Variants in MMUT observed in about 807,000 individuals in gnomAD.
The protein encoded by MMUT is methylmalonyl-CoA mutase, mitochondrial.
In MMUT, 79 loss-of-function variants were observed where a neutral mutation model predicts 79.9. The ratio of observed to expected loss-of-function variants is 0.99; its 90% CI spans 0.82 to 1.19. The LOEUF (loss-of-function observed/expected upper bound fraction) is 1.19, where lower values mean the gene tolerates loss of function less well. Ranked by LOEUF, MMUT falls within the 50% of genes most tolerant of loss-of-function variation. The pLI, the probability that MMUT is intolerant of heterozygous loss-of-function variation, is 0.00. For missense variants in MMUT, 860 were observed against 917.2 expected (o/e 0.94, Z 0.81); for synonymous variants, 273 against 295.7 (o/e 0.92, Z 0.79).
chr6:49,462,570 T>A (rs1767882176), intron 1 of MMUT, among the ~76,000 whole-genome samples: 1 of 152,140 alleles, frequency 6.6e-6, no homozygotes, highest in African/African-American at 2.4e-5. Flanking sequence ...TGAGAACGAG[T>A]TAGTAATGTA....
Position 49,435,632 on chromosome 6 carries a change from T to C in MMUT, c.1957-9A>G, listed in dbSNP as rs550694604. The C allele has an allele frequency of 1.2e-6, 2 of 1,611,910 alleles. No homozygotes were observed. Among genetic ancestry groups the C allele is most frequent in the Non-Finnish European group, 8.5e-7 (1 of 1,178,942 alleles). ...GCCACTTCACGAGGAGTCTAAACAG[T>C]CAGAAAGTAAAGATAAATCATTGTT... On this transcript the variant is annotated splice_polypyrimidine_tract_variant and intron_variant, in intron 11 of 12. Coordinates refer to ENST00000274813, the MANE Select transcript of MMUT (RefSeq NM_000255.4).
intron 1 of MMUT, among the ~76,000 whole-genome samples, chr6:49,460,109 T>C (rs1767802638): frequency 1.3e-5 from 2 of 152,198 alleles, no homozygotes; most frequent in African/African-American, 4.8e-5. Flanking sequence ...TTTCTGAATT[T>C]GCTCTTGCTC....
chr6:49,462,521 T>C (rs1767880128), intron 1 of MMUT, among the ~76,000 whole-genome samples: 2 of 152,218 alleles, frequency 1.3e-5, no homozygotes, highest in South Asian at 4.1e-4. Context: ...TATCCAGGGC[T>C]TCGAGCTTCC....
At chr6:49,448,010 A>G (rs1199412398) in intron 7 of MMUT, among the ~76,000 whole-genome samples, 4 of 152,018 alleles carry the variant, frequency 2.6e-5, no homozygotes, top group Non-Finnish European at 5.9e-5. Flanking sequence ...TTATTCTACC[A>G]AACTATTAAT....
intron 11 of MMUT, among the ~76,000 whole-genome samples, chr6:49,438,120 T>C (rs1017056297): frequency 5.3e-5 from 8 of 152,002 alleles, no homozygotes; most frequent in Non-Finnish European, 1.2e-4. Context: ...GAGGACAAAA[T>C]TGTATCCTAC....
At chr6:49,437,468 T>C (rs892092308) in intron 11 of MMUT, among the ~76,000 whole-genome samples, 3 of 152,122 alleles carry the variant, frequency 2.0e-5, no homozygotes, top group Non-Finnish European at 4.4e-5. Flanking sequence ...TAGGGAGTGA[T>C]AAGTTTTTAG....
intron 3 of MMUT, among the ~76,000 whole-genome samples, chr6:49,457,330 G>A (rs908940086): frequency 3.3e-5 from 5 of 152,100 alleles, no homozygotes; most frequent in African/African-American, 4.8e-5. Context: ...TTCCAATTCA[G>A]CTTTTAGCAG....
chr6:49,456,768 C>G (rs1767701609), intron 3 of MMUT, among the ~76,000 whole-genome samples: 1 of 152,008 alleles, frequency 6.6e-6, no homozygotes, highest in South Asian at 2.1e-4. Context: ...TATGTTGAAA[C>G]AAAATGGGAT....
At chr6:49,442,865 ACAT>A (rs1349828654) in intron 9 of MMUT, among the ~76,000 whole-genome samples, 1 of 152,158 alleles carries the variant, frequency 6.6e-6, no homozygotes, top group East Asian at 1.9e-4. Flanking sequence ...CACATCTAGC[ACAT>A]CTTGCAGACT....
At chr6:49,446,611 A>C (rs1322422108) in intron 8 of MMUT, among the ~76,000 whole-genome samples, 3 of 151,730 alleles carry the variant, frequency 2.0e-5, no homozygotes, top group African/African-American at 7.2e-5. Context: ...CTACCTGTTA[A>C]ATAAAACAAT....
intron 9 of MMUT, 53 bp from the exon 10 acceptor site, chr6:49,442,024 T>A: frequency 1.3e-6 from 2 of 1,529,476 alleles, no homozygotes; most frequent in Non-Finnish European, 9.0e-7. Flanking sequence ...GATAAAGATA[T>A]CTGTTTACCA....
rs1767147020 is a variant in MMUT, at chr6:49,436,935, G to T, written c.1957-1312C>A. The stretch of plus-strand genomic sequence containing the variant: ...CAAAGAGGGAAACAACACACACTGG[G>T]GCCTATCAGAGGGTAGAGGAGCAGG... On this transcript the variant is annotated intron_variant, in intron 11 of 12. Transcript: ENST00000274813. Among the ~76,000 whole-genome samples the T allele has an allele frequency of 2.6e-5, 4 of 151,870 alleles. No homozygotes were observed. In the South Asian group the frequency reaches 8.3e-4, roughly 32 times the overall value.
chr6:49,459,280 T>G lies in MMUT; in HGVS notation c.187A>C (p.Thr63Pro), dbSNP rs1767776472. 2 of 1,613,974 alleles carry G rather than the reference T, an allele frequency of 1.2e-6. No individual in the cohort carries two copies. The highest frequency in any genetic ancestry group is 1.7e-6 in the Non-Finnish European group (2 of 1,180,016). Residue 63 changes from threonine (T) to proline (P), a missense_variant, in exon 2 of 13, where the codon ACC (threonine) becomes CCC (proline). Coordinates refer to ENST00000274813, the MANE Select transcript of MMUT (RefSeq NM_000255.4). ...GKNPEDLIWHTPEGISIKPLY... is the reference protein window; with the variant it reads ...GKNPEDLIWHPPEGISIKPLY... ...GGTTTTATAGAGATCCCTTCCGGGG[T>G]GTGCCATATTAGGTCTTCTGGGTTT...
chr6:49,447,727 T>G lies in MMUT; in HGVS notation c.1503A>C (p.Glu501Asp). The G allele has an allele frequency of 6.2e-7, 1 of 1,612,290 alleles. No homozygotes were observed. Among genetic ancestry groups the G allele is most frequent in the Non-Finnish European group, 8.5e-7 (1 of 1,178,744 alleles). Residue 501 changes from glutamate to aspartate, a missense_variant, in exon 8 of 13, where the codon GAA becomes GAC. Transcript: ENST00000274813. ...KYQLEKEDAV[E>D]VLAIDNTSVR... ...CTGAAGTATTATCAATTGCCAGAAC[T>G]TCTACAGCGTCTTCTTTTTCCAACT...
chr6:49,434,601 G>A (rs1233022999), intron 12 of MMUT, among the ~76,000 whole-genome samples: 1 of 152,132 alleles, frequency 6.6e-6, no homozygotes, highest in Admixed American at 6.5e-5. Flanking sequence ...CAGTAAAAAA[G>A]AAAATCTTGA....
In MMUT at chr6:49,459,412, C is replaced by A; in HGVS notation, c.55G>T (p.Val19Leu). The change falls in exon 2 of 13, where the codon GTA (valine) becomes TTA (leucine). Residue 19 changes from valine (V) to leucine (L), a missense_variant. Coordinates refer to ENST00000274813, the MANE Select transcript of MMUT (RefSeq NM_000255.4). ...FLLSPHYLRQ[V>L]KESSGSRLIQ... ...AGCCTGGAGCCTGATGATTCTTTTA[C>A]CTGCCTCAGGTAATGAGGTGAAAGT... is the stretch of plus-strand genomic sequence containing the variant. The A allele has an allele frequency of 1.2e-6, 2 of 1,613,420 alleles. No individual in the cohort carries two copies. The highest frequency in any genetic ancestry group is 1.7e-6 in the Non-Finnish European group (2 of 1,179,872).
chr6:49,448,316 A>G (rs951861804), intron 7 of MMUT, among the ~76,000 whole-genome samples: 1 of 151,928 alleles, frequency 6.6e-6, no homozygotes, highest in Non-Finnish European at 1.5e-5. Context: ...ACTCCTTCAT[A>G]TTTCCTTCAT....
rs141829043 is a variant in MMUT, at chr6:49,441,885, C to A, written c.1763G>T (p.Arg588Leu). The A allele has an allele frequency of 2.7e-5, 44 of 1,611,992 alleles. No homozygotes were observed. The African/African-American group carries it at 4.8e-4, about 18-fold the overall frequency. ...ANDRMVSGAYRQEFGESKEIT... is the reference protein window; with the variant it reads ...ANDRMVSGAYLQEFGESKEIT... ...CTCTTTACTTTCTCCAAATTCCTGG[C>A]GATATGCTCCACTCACCATTCGATC... The change falls in exon 10 of 13, where the codon CGC (arginine) becomes CTC (leucine). Residue 588 changes from arginine (R) to leucine (L), a missense_variant. Transcript: ENST00000274813.
chr6:49,453,384 A>C (rs911102924), intron 5 of MMUT, among the ~76,000 whole-genome samples: 76 of 151,904 alleles, frequency 5.0e-4, no homozygotes, highest in African/African-American at 1.7e-3. Context: ...GTTAACCACC[A>C]GAGGGAGACA....
Sources: allele counts gnomAD v4.1 joint callset (sites outside exome capture counted in the v4.1 genomes callset), GRCh38; gene constraint gnomAD v4.1.1; transcripts MANE v1.5; gene names NCBI Gene and HGNC (gene_info 2026-07-23, HGNC 2026-07-21).